CNTNAP2: variants seen among roughly 807,000 people sequenced by gnomAD.
CNTNAP2 encodes the protein contactin-associated protein-like 2.
In CNTNAP2, 98 loss-of-function variants were observed where a neutral mutation model predicts 155.2. The observed-to-expected ratio is 0.63, with a 90% CI of 0.54 to 0.75. CNTNAP2 has a LOEUF of 0.75. Among genes scored for constraint, CNTNAP2 ranks in the 30% least tolerant of loss-of-function variants. The probability of loss-of-function intolerance (pLI) is 0.00; values close to 1 mark genes in which losing one functional copy is unlikely to be tolerated. For missense variants in CNTNAP2, 1,727 were observed against 1,688.1 expected (o/e 1.02, Z -0.40); for synonymous variants, 651 against 631.2 (o/e 1.03, Z -0.47).
intron 1 of CNTNAP2, among the ~76,000 whole-genome samples, chr7:146,367,738 A>G (rs1157776449): frequency 2.0e-5 from 3 of 152,146 alleles, no homozygotes; most frequent in Non-Finnish European, 4.4e-5. Context: ...AAATTAATGG[A>G]CATTTTAATT....
chr7:146,647,384 A>G (rs1479599423), intron 1 of CNTNAP2, among the ~76,000 whole-genome samples: 2 of 146,172 alleles, frequency 1.4e-5, no homozygotes, highest in Non-Finnish European at 3.1e-5. Context: ...TGAAAGAAAG[A>G]AAAGTTCAGT....
intron 1 of CNTNAP2, among the ~76,000 whole-genome samples, chr7:146,187,503 G>C (rs976942217): frequency 3.3e-5 from 5 of 152,140 alleles, no homozygotes; most frequent in African/African-American, 1.2e-4. Flanking sequence ...CATTATCACA[G>C]AATCAAATCC....
chr7:146,939,785 C>CA (rs1300523076), intron 3 of CNTNAP2, among the ~76,000 whole-genome samples: 1 of 151,764 alleles, frequency 6.6e-6, no homozygotes, highest in East Asian at 1.9e-4. Context: ...TTAGCACCTA[C>CA]AAAAAAACTA....
chr7:147,272,598 A>G (rs1005620996), intron 8 of CNTNAP2, among the ~76,000 whole-genome samples: 3 of 151,524 alleles, frequency 2.0e-5, no homozygotes, highest in African/African-American at 7.3e-5. Flanking sequence ...TCCCGGGTTC[A>G]CGCCATTCTC....
At chr7:147,255,590 T>C (rs941257368) in intron 8 of CNTNAP2, among the ~76,000 whole-genome samples, 13 of 152,234 alleles carry the variant, frequency 8.5e-5, no homozygotes, top group African/African-American at 2.6e-4. Context: ...TTTGCTCTTA[T>C]TCTATAATTT....
At chr7:146,309,854 A>AAGGAAGGAAGGG (rs1800789027) in intron 1 of CNTNAP2, among the ~76,000 whole-genome samples, 1 of 151,618 alleles carries the variant, frequency 6.6e-6, no homozygotes, top group African/African-American at 2.4e-5. Flanking sequence ...GGAAGGAAGG[A>AAGGAAGGAAGGG]AAGAAAGAAG....
At chr7:148,326,596 G>T (rs757548109) in intron 21 of CNTNAP2, among the ~76,000 whole-genome samples, 2 of 152,128 alleles carry the variant, frequency 1.3e-5, no homozygotes, top group Non-Finnish European at 2.9e-5. Flanking sequence ...GCCGGGCATG[G>T]TGGCTCACGC....
chr7:147,244,631 A>G (rs1352735917), intron 8 of CNTNAP2, among the ~76,000 whole-genome samples: 2 of 152,270 alleles, frequency 1.3e-5, no homozygotes, highest in African/African-American at 2.4e-5. Flanking sequence ...TTTTAGTGGG[A>G]GAGATACACA....
intron 1 of CNTNAP2, among the ~76,000 whole-genome samples, chr7:146,202,553 C>A (rs1355859482): frequency 3.3e-5 from 5 of 151,940 alleles, no homozygotes; most frequent in Non-Finnish European, 4.4e-5. Flanking sequence ...GAAACCTATG[C>A]CCCCAGAATT....
At chr7:147,666,073 T>G (rs1795688918) in intron 13 of CNTNAP2, among the ~76,000 whole-genome samples, 1 of 152,192 alleles carries the variant, frequency 6.6e-6, no homozygotes, top group Admixed American at 6.5e-5. Context: ...TTAAAGTAAC[T>G]AATTTATTTT....
At chr7:148,231,297 G>C (rs997747372) in intron 20 of CNTNAP2, among the ~76,000 whole-genome samples, 1 of 152,190 alleles carries the variant, frequency 6.6e-6, no homozygotes, top group Admixed American at 6.5e-5. Flanking sequence ...GGAGCAGCCA[G>C]AGACCTGCAG....
chr7:147,001,223 G>A (rs1798415452), intron 3 of CNTNAP2, among the ~76,000 whole-genome samples: 2 of 151,990 alleles, frequency 1.3e-5, no homozygotes, highest in Admixed American at 1.3e-4. Flanking sequence ...GGTTTTCGTA[G>A]CTCTTGTGAG....
chr7:146,832,671 G>A lies in CNTNAP2; in HGVS notation c.209-7040G>A, dbSNP rs182782279. 2.8e-3 allele frequency among the ~76,000 whole-genome samples: 403 copies of A among 142,970 alleles called. 1 individual carries two copies. Among genetic ancestry groups the A allele is most frequent in the African/African-American group, 0.01 (368 of 35,586 alleles). 93.8% of individuals were successfully genotyped at this position (142,970 alleles called of 152,430 possible). ...CACTGTATAATTTATAAATATGTAC[G>A]TGTGTGTGTATATATATATATGTCA... is the stretch of plus-strand genomic sequence containing the variant. On this transcript the variant is annotated intron_variant, in intron 2 of 23. Coordinates refer to ENST00000361727, the MANE Select transcript of CNTNAP2 (RefSeq NM_014141.6).
intron 8 of CNTNAP2, among the ~76,000 whole-genome samples, chr7:147,208,492 T>C (rs1439544644): frequency 6.6e-6 from 1 of 152,026 alleles, no homozygotes; most frequent in South Asian, 2.1e-4. Context: ...CAGGGTCTAG[T>C]AGGAAAGACC....
chr7:146,212,186 CAATT>C (rs1799044723), intron 1 of CNTNAP2, among the ~76,000 whole-genome samples: 2 of 152,102 alleles, frequency 1.3e-5, no homozygotes, highest in African/African-American at 2.4e-5. Flanking sequence ...GTGTGTGAAA[CAATT>C]AATCACTGGG....
chr7:146,974,663 G>A (rs1404329618), intron 3 of CNTNAP2, among the ~76,000 whole-genome samples: 2 of 152,010 alleles, frequency 1.3e-5, no homozygotes, highest in Admixed American at 6.6e-5. Flanking sequence ...ATTGATGTTG[G>A]TACATTTAAA....
intron 9 of CNTNAP2, among the ~76,000 whole-genome samples, chr7:147,351,962 T>G (rs1038807588): frequency 2.0e-5 from 3 of 151,944 alleles, no homozygotes; most frequent in Non-Finnish European, 4.4e-5. Context: ...AAAGACATTA[T>G]ATTGTGTTCA....
chr7:148,088,434 G>GA (rs68141872), intron 15 of CNTNAP2, among the ~76,000 whole-genome samples: 4 of 148,300 alleles, frequency 2.7e-5, no homozygotes, highest in Admixed American at 1.3e-4. Context: ...GCTAGACTAA[G>GA]AAAAAAAAAG....
chr7:147,896,121 C>T (rs1166620625), intron 13 of CNTNAP2, among the ~76,000 whole-genome samples: 2 of 152,162 alleles, frequency 1.3e-5, no homozygotes, highest in Non-Finnish European at 1.5e-5. Context: ...AGCTGGGAAA[C>T]CAGGCTGCTC....
Sources: allele counts gnomAD v4.1 joint callset (sites outside exome capture counted in the v4.1 genomes callset), GRCh38; gene constraint gnomAD v4.1.1; transcripts MANE v1.5; gene names NCBI Gene and HGNC (gene_info 2026-07-23, HGNC 2026-07-21).